EPHA6: variants seen among roughly 807,000 people sequenced by gnomAD.
EPHA6 encodes the protein ephrin type-A receptor 6.
Under a neutral mutation model 112.0 loss-of-function variants are expected in EPHA6, and 50 were observed. The observed-to-expected ratio is 0.45, with a 90% CI of 0.36 to 0.56. The LOEUF (loss-of-function observed/expected upper bound fraction) is 0.56, where lower values mean the gene tolerates loss of function less well. Ranked by LOEUF, EPHA6 falls within the 20% of genes least tolerant of loss-of-function variation. The pLI, the probability that EPHA6 is intolerant of heterozygous loss-of-function variation, is 0.00. For missense variants in EPHA6, 1,280 were observed against 1,417.4 expected (o/e 0.90, Z 1.56); for synonymous variants, 529 against 490.7 (o/e 1.08, Z -1.03).
intron 5 of EPHA6, among the ~76,000 whole-genome samples, chr3:97,343,881 A>G (rs965990703): frequency 3.9e-5 from 6 of 152,186 alleles, no homozygotes; most frequent in Non-Finnish European, 5.9e-5. Context: ...CAGTGGGCCC[A>G]TAAGACCAAG....
chr3:97,472,902 A>G (rs1408146145), intron 7 of EPHA6, among the ~76,000 whole-genome samples: 1 of 151,782 alleles, frequency 6.6e-6, no homozygotes, highest in African/African-American at 2.4e-5. Flanking sequence ...GAGATCGGCA[A>G]AAAGAAGTTG....
chr3:97,212,712 A>G (rs541890405), intron 3 of EPHA6, among the ~76,000 whole-genome samples: 5 of 152,284 alleles, frequency 3.3e-5, no homozygotes, highest in East Asian at 3.9e-4. Context: ...TTATAAATCT[A>G]TGAATGAGAA....
intron 5 of EPHA6, among the ~76,000 whole-genome samples, chr3:97,370,642 A>C (rs2084994344): frequency 6.6e-6 from 1 of 152,176 alleles, no homozygotes; most frequent in Non-Finnish European, 1.5e-5. Context: ...AATATATTTA[A>C]GGTTTTTTAT....
intron 15 of EPHA6, among the ~76,000 whole-genome samples, chr3:97,733,087 C>A (rs991467538): frequency 5.9e-5 from 9 of 152,004 alleles, no homozygotes; most frequent in African/African-American, 2.2e-4. Flanking sequence ...GCTCATCACT[C>A]TTACAAGGCA....
In EPHA6 at chr3:96,891,163, A is replaced by T. The variant is rs370862954; in HGVS notation, c.450+24274A>T. The stretch of plus-strand genomic sequence containing the variant: ...ATATGCACAGTAGAAATGTGTATAC[A>T]TCTTTACAAAGAAACGTGGACATAA... On this transcript the variant is annotated intron_variant, in intron 2 of 17. Coordinates refer to ENST00000389672, the MANE Select transcript of EPHA6 (RefSeq NM_001080448.3). Among the ~76,000 whole-genome samples the T allele has an allele frequency of 7.4e-4, 113 of 152,328 alleles. 3 individuals carry two copies. In the South Asian group the frequency reaches 0.023, roughly 30 times the overall value.
intron 5 of EPHA6, among the ~76,000 whole-genome samples, chr3:97,350,399 G>T (rs2083750624): frequency 6.6e-6 from 1 of 152,062 alleles, no homozygotes. Flanking sequence ...CCTACCCAAT[G>T]CATTTTGTTG....
At chr3:97,261,651 G>A (rs1004517015) in intron 5 of EPHA6, among the ~76,000 whole-genome samples, 2 of 152,116 alleles carry the variant, frequency 1.3e-5, no homozygotes, top group African/African-American at 4.8e-5. Context: ...AGTGGTGTTT[G>A]AGGGATGTTT....
chr3:96,972,920 T>C (rs1025561713), intron 2 of EPHA6, among the ~76,000 whole-genome samples: 8 of 152,310 alleles, frequency 5.3e-5, no homozygotes, highest in African/African-American at 1.4e-4. Flanking sequence ...ATTTGAGAGA[T>C]TTATGTAAGA....
At chr3:97,624,149 G>C (rs1477503300) in intron 13 of EPHA6, among the ~76,000 whole-genome samples, 1 of 151,720 alleles carries the variant, frequency 6.6e-6, no homozygotes, top group East Asian at 1.9e-4. Flanking sequence ...TAACGGTCGA[G>C]TATGATGTTC....
At chr3:97,476,934 G>GA (rs1295365407) in intron 8 of EPHA6, among the ~76,000 whole-genome samples, 1 of 151,998 alleles carries the variant, frequency 6.6e-6, no homozygotes, top group African/African-American at 2.4e-5. Context: ...GTGATTAGCT[G>GA]ATAGAATAAT....
intron 3 of EPHA6, among the ~76,000 whole-genome samples, chr3:97,209,573 C>A (rs1169248716): frequency 6.6e-6 from 1 of 152,108 alleles, no homozygotes; most frequent in African/African-American, 2.4e-5. Context: ...TATTGATTGC[C>A]AGCATGATTA....
At chr3:96,988,261 T>A (rs1333432520) in intron 3 of EPHA6, among the ~76,000 whole-genome samples, 1 of 152,154 alleles carries the variant, frequency 6.6e-6, no homozygotes, top group Non-Finnish European at 1.5e-5. Flanking sequence ...TAATTAATTG[T>A]GAAAGCAATT....
intron 1 of EPHA6, among the ~76,000 whole-genome samples, chr3:96,848,952 C>A (rs1418093227): frequency 6.6e-6 from 1 of 151,962 alleles, no homozygotes; most frequent in South Asian, 2.1e-4. Context: ...GCTTTTTGGT[C>A]TATGTAACTT....
At chr3:97,646,094 C>T in intron 14 of EPHA6, 1 of 1,502,702 alleles carries the variant, frequency 6.7e-7, no homozygotes, top group Non-Finnish European at 8.9e-7. Context: ...AGGCATTTTC[C>T]ATTAAAATGA....
At chr3:97,190,777 T>C (rs2077281927) in intron 3 of EPHA6, among the ~76,000 whole-genome samples, 1 of 151,784 alleles carries the variant, frequency 6.6e-6, no homozygotes, top group Admixed American at 6.6e-5. Flanking sequence ...AGATGACGAG[T>C]TAGTGGGTGC....
In EPHA6 at chr3:97,159,881, G is replaced by A. The variant is rs142412376; in HGVS notation, c.1115-66383G>A. Reference sequence around the variant, plus strand: ...GTAAGGAATGCAAATATGTATCTACGGTGTGTTATTCCTGTGAGAACAAAA... The same window carrying A: ...GTAAGGAATGCAAATATGTATCTACAGTGTGTTATTCCTGTGAGAACAAAA... On this transcript the variant is annotated intron_variant, in intron 3 of 17. Coordinates refer to ENST00000389672, the MANE Select transcript of EPHA6 (RefSeq NM_001080448.3). 2.6e-3 allele frequency among the ~76,000 whole-genome samples: 391 copies of A among 152,220 alleles called. 1 individual carries two copies. Among genetic ancestry groups the A allele is most frequent in the African/African-American group, 8.7e-3 (362 of 41,538 alleles).
In EPHA6 at chr3:97,448,791, G is replaced by A; in HGVS notation, c.1894+61G>A. 2.6e-6 allele frequency: 4 copies of A among 1,561,304 alleles called. No individual in the cohort carries two copies. In the South Asian group the frequency reaches 4.5e-5, roughly 18 times the overall value. Reference sequence around the variant, plus strand: ...ATTTAGTATCATTCCAATTTGACCTGATATTTTAAAACCAGGTGTCCCAAG... The same window carrying A: ...ATTTAGTATCATTCCAATTTGACCTAATATTTTAAAACCAGGTGTCCCAAG... On this transcript the variant is annotated intron_variant, in intron 7 of 17. Coordinates refer to ENST00000389672, the MANE Select transcript of EPHA6 (RefSeq NM_001080448.3).
intron 3 of EPHA6, among the ~76,000 whole-genome samples, chr3:97,187,842 G>C (rs551065962): frequency 1.7e-4 from 26 of 152,140 alleles, no homozygotes; most frequent in African/African-American, 6.0e-4. Context: ...GAGTACAGAG[G>C]GGGAGGTGCA....
intron 13 of EPHA6, among the ~76,000 whole-genome samples, chr3:97,636,078 C>T (rs2093942297): frequency 6.6e-6 from 1 of 151,982 alleles, no homozygotes; most frequent in African/African-American, 2.4e-5. Context: ...ATGTGATTCT[C>T]CCTGCAATTC....
Sources: gnomAD v4.1 joint callset for allele counts (sites outside exome capture counted in the v4.1 genomes callset) on GRCh38, gnomAD v4.1.1 for gene constraint, MANE v1.5 for transcripts, NCBI Gene and HGNC (gene_info 2026-07-23, HGNC 2026-07-21) for gene names.